SLC41A2: variants seen among roughly 807,000 people sequenced by gnomAD.
SLC41A2 encodes SLC41A1-like 1.
A neutral mutation model predicts 58.3 loss-of-function variants in SLC41A2; 32 were observed. The ratio of observed to expected loss-of-function variants is 0.55; its 90% confidence interval spans 0.41 to 0.74. The LOEUF is 0.74. Ranked by LOEUF, SLC41A2 falls within the 30% of genes least tolerant of loss-of-function variation. The pLI, the probability that SLC41A2 is intolerant of heterozygous loss-of-function variation, is 0.00. For synonymous variants in SLC41A2, 190 were observed against 235.0 expected (o/e 0.81, Z 1.75); for missense variants, 514 against 680.6 (o/e 0.76, Z 2.72).
chr12:104,918,677 C>T (rs910282665), intron 2 of SLC41A2, among the ~76,000 whole-genome samples: 1 of 150,902 alleles, frequency 6.6e-6, no homozygotes, highest in South Asian at 2.1e-4. Context: ...AGGAAGGGCC[C>T]GGGCTAAGGG....
chr12:104,908,704 A>T (rs1436177468), intron 3 of SLC41A2, among the ~76,000 whole-genome samples: 1 of 152,224 alleles, frequency 6.6e-6, no homozygotes, highest in Non-Finnish European at 1.5e-5. Flanking sequence ...ATCATATTAT[A>T]ATAAGATAAC....
chr12:104,844,551 G>C lies in SLC41A2; in HGVS notation c.1457C>G (p.Thr486Ser). 1 of 1,574,500 alleles carries C rather than the reference G, an allele frequency of 6.4e-7. No individual in the cohort carries two copies. The highest frequency in any genetic ancestry group is 8.6e-7 in the Non-Finnish European group (1 of 1,159,430). Reference sequence around the variant, plus strand: ...ATGACCACTTTTCATCAAATGAATAGTGTAGAGGAAAATTAAATGTCCAGG... The same window carrying C: ...ATGACCACTTTTCATCAAATGAATACTGTAGAGGAAAATTAAATGTCCAGG... ...VIPGHLIFLY[T>S]IHLMKSGHTS... The change falls in exon 10 of 11, where the codon ACT becomes AGT. Residue 486 changes from threonine (T) to serine (S), a missense_variant. Thr to Ser is a moderately conservative substitution (Grantham distance 58, BLOSUM62 1). Transcript: ENST00000258538.
chr12:104,905,287 G>T (rs2045778875), intron 3 of SLC41A2, among the ~76,000 whole-genome samples: 1 of 152,206 alleles, frequency 6.6e-6, no homozygotes, highest in East Asian at 1.9e-4. Context: ...TAGACATAAA[G>T]GTTCTCCACG....
At chr12:104,927,395 CA>C (rs1159894218) in intron 2 of SLC41A2, among the ~76,000 whole-genome samples, 2 of 151,860 alleles carry the variant, frequency 1.3e-5, no homozygotes, top group East Asian at 1.9e-4. Flanking sequence ...CTTTGTATAC[CA>C]ATTTGGAGAG....
intron 3 of SLC41A2, among the ~76,000 whole-genome samples, chr12:104,902,050 A>G (rs2045589939): frequency 6.6e-6 from 1 of 152,226 alleles, no homozygotes; most frequent in Non-Finnish European, 1.5e-5. Context: ...TTCTATAGCT[A>G]TAATTATTTT....
At chr12:104,886,215 A>T in intron 6 of SLC41A2, 78 bp downstream of exon 6, 1 of 1,477,622 alleles carries the variant, frequency 6.8e-7, no homozygotes, top group Non-Finnish European at 9.2e-7. Flanking sequence ...GCTACCATGG[A>T]TTCATGGCAT....
At chr12:104,912,678 C>T (rs1263441909) in intron 2 of SLC41A2, among the ~76,000 whole-genome samples, 1 of 152,192 alleles carries the variant, frequency 6.6e-6, no homozygotes, top group Non-Finnish European at 1.5e-5. Flanking sequence ...CTTCAGCAGA[C>T]CAATCAAGCC....
chr12:104,852,888 A>G (rs1026606981), intron 8 of SLC41A2, among the ~76,000 whole-genome samples: 5 of 152,194 alleles, frequency 3.3e-5, no homozygotes, highest in Non-Finnish European at 7.4e-5. Context: ...CTATGTTTCT[A>G]CTAAAAGCTA....
intron 1 of SLC41A2, among the ~76,000 whole-genome samples, chr12:104,944,762 A>G (rs1420063154): frequency 2.0e-4 from 31 of 152,042 alleles, no homozygotes; most frequent in Admixed American, 2.0e-3. Context: ...AAAATTCCCA[A>G]CTACCCTTCT....
chr12:104,818,701 A>AC (rs1377784021), intron 10 of SLC41A2, among the ~76,000 whole-genome samples: 1 of 151,966 alleles, frequency 6.6e-6, no homozygotes, highest in African/African-American at 2.4e-5. Flanking sequence ...ACATGGTGAA[A>AC]CCCCATCTCT....
chr12:104,845,237 GCTGTGATGGTACCA>G (rs1338081637), intron 9 of SLC41A2, among the ~76,000 whole-genome samples: 2 of 152,158 alleles, frequency 1.3e-5, no homozygotes, highest in Non-Finnish European at 2.9e-5. Flanking sequence ...GGTGCAGTGA[GCTGTGATGGTACCA>G]CTATTCTCCA....
At chr12:104,952,177 C>A (rs778523872) in intron 1 of SLC41A2, among the ~76,000 whole-genome samples, 2 of 152,062 alleles carry the variant, frequency 1.3e-5, no homozygotes, top group African/African-American at 4.8e-5. Context: ...GAAACAGCAA[C>A]GTCATGTCTA....
At chr12:104,841,805 T>C (rs2042420220) in intron 10 of SLC41A2, among the ~76,000 whole-genome samples, 1 of 152,052 alleles carries the variant, frequency 6.6e-6, no homozygotes, top group Non-Finnish European at 1.5e-5. Context: ...AGAGTATTAG[T>C]CTGTGAAGTG....
chr12:104,904,380 G>T (rs774561823), intron 3 of SLC41A2, among the ~76,000 whole-genome samples: 47 of 152,046 alleles, frequency 3.1e-4, no homozygotes, highest in Non-Finnish European at 4.9e-4. Flanking sequence ...GTTTCTCAAG[G>T]CCTCTTCATT....
chr12:104,908,019 C>T (rs1383110203), intron 3 of SLC41A2, among the ~76,000 whole-genome samples: 1 of 152,172 alleles, frequency 6.6e-6, no homozygotes, highest in Non-Finnish European at 1.5e-5. Flanking sequence ...AATCCCAGCA[C>T]TTTGGGTGGC....
At chr12:104,907,334 C>T (rs534335691) in intron 3 of SLC41A2, among the ~76,000 whole-genome samples, 3 of 151,040 alleles carry the variant, frequency 2.0e-5, no homozygotes, top group South Asian at 4.2e-4. Flanking sequence ...TTTTAATGTT[C>T]AATAATTACA....
chr12:104,904,719 C>T (rs1024069755), intron 3 of SLC41A2, among the ~76,000 whole-genome samples: 2 of 151,736 alleles, frequency 1.3e-5, no homozygotes, highest in South Asian at 2.1e-4. Flanking sequence ...TGCAGACCTT[C>T]GCGATGAGTG....
chr12:104,893,871 G>A (rs1181501876), intron 4 of SLC41A2, among the ~76,000 whole-genome samples: 1 of 152,118 alleles, frequency 6.6e-6, no homozygotes, highest in African/African-American at 2.4e-5. Context: ...GGTAGTAGGA[G>A]GGTATGGGGG....
At chr12:104,862,852 AT>A (rs2043260639) in intron 7 of SLC41A2, among the ~76,000 whole-genome samples, 1 of 152,196 alleles carries the variant, frequency 6.6e-6, no homozygotes, top group African/African-American at 2.4e-5. Context: ...AATTGAGCTA[AT>A]TAACTTATGC....
Sources: gnomAD v4.1 joint callset for allele counts (sites outside exome capture counted in the v4.1 genomes callset) on GRCh38, gnomAD v4.1.1 for gene constraint, MANE v1.5 for transcripts, NCBI Gene and HGNC (gene_info 2026-07-23, HGNC 2026-07-21) for gene names.